Variants in PXK observed in about 807,000 individuals in gnomAD.
The protein encoded by PXK is PX domain containing serine/threonine kinase like.
PXK carries 35 observed loss-of-function variants against 84.7 expected under a neutral mutation model. That is an observed-to-expected ratio of 0.41 (90% confidence interval 0.32 to 0.55). The LOEUF is 0.55. PXK is among the 20% of genes least tolerant of loss of function. The probability of loss-of-function intolerance (pLI) is 0.21; values close to 1 mark genes in which losing one functional copy is unlikely to be tolerated. For missense variants in PXK, 634 were observed against 699.7 expected (o/e 0.91, Z 1.06); for synonymous variants, 253 against 260.8 (o/e 0.97, Z 0.29).
Position 58,390,439 on chromosome 3 carries a change from T to C in PXK, c.389-143T>C. ...GCATTTAGTTTGTGTGTATTTTCTT[T>C]CTTTATTATTATTTTTTTTTTGGTA... On this transcript the variant is annotated intron_variant, in intron 4 of 17. Transcript: ENST00000356151. The surrounding 1 kb of genome is among the most constrained non-coding windows in gnomAD (Gnocchi z 4.2). 2.1e-6 allele frequency: 1 copy of C among 476,306 alleles called. No homozygotes were observed. The highest frequency in any genetic ancestry group is 7.0e-5 in the South Asian group (1 of 14,242). 29.5% of individuals were successfully genotyped at this position (476,306 alleles called of 1,614,324 possible).
At chr3:58,403,489 G>C (rs1022479032) in intron 12 of PXK, among the ~76,000 whole-genome samples, 4 of 152,082 alleles carry the variant, frequency 2.6e-5, no homozygotes, top group Admixed American at 6.5e-5. Flanking sequence ...CTCTTCTGAG[G>C]CAAGAAAAAT....
rs1576672947 is a variant in PXK at position 58,407,699 on chromosome 3, G to A, written c.1231-1225G>A. On this transcript the variant is annotated intron_variant, in intron 13 of 17. Transcript: ENST00000356151. The surrounding 1 kb of genome is among the most constrained non-coding windows in gnomAD (Gnocchi z 4.3). Reference sequence around the variant, plus strand: ...GCCTCAGCCTCCCAAGTAGATTACAGGCGTGCACCACCACACCTGGCTAAT... The same window carrying A: ...GCCTCAGCCTCCCAAGTAGATTACAAGCGTGCACCACCACACCTGGCTAAT... Among the ~76,000 whole-genome samples the A allele has an allele frequency of 6.6e-6, 1 of 151,954 alleles. No homozygotes were observed. Among genetic ancestry groups the A allele is most frequent in the Admixed American group, 6.6e-5 (1 of 15,250 alleles).
In PXK at chr3:58,364,396, T is replaced by G. The variant is rs372169375; in HGVS notation, c.103-1478T>G. On this transcript the variant is annotated intron_variant, in intron 1 of 17. Transcript: ENST00000356151. This position sits in a 1 kb window ranked among gnomAD's most constrained non-coding sequence, Gnocchi z 4.3. ...TTTGGCGGGGGGAGGGGAGCGGAGT[T>G]TTTTAGTTATGAATTTAATTATAAA... Among the ~76,000 whole-genome samples, 6 of 152,008 alleles carry G rather than the reference T, an allele frequency of 3.9e-5. No individual in the cohort carries two copies. Among genetic ancestry groups the G allele is most frequent in the African/African-American group, 1.4e-4 (6 of 41,454 alleles).
rs1479613086 is a variant in PXK, at chr3:58,401,023, T to C, written c.1181+1646T>C. On this transcript the variant is annotated intron_variant, in intron 12 of 17. Coordinates refer to ENST00000356151, the MANE Select transcript of PXK (RefSeq NM_017771.5). This position sits in a 1 kb window ranked among gnomAD's most constrained non-coding sequence, Gnocchi z 4.4. ...ACTTGTACTTAGGAAATAGCCTATA[T>C]ACAGGTTGATTTACTTGAGTTTGCA... is the stretch of plus-strand genomic sequence containing the variant. 6.6e-6 allele frequency among the ~76,000 whole-genome samples: 1 copy of C among 152,238 alleles called. No homozygotes were observed. Among genetic ancestry groups the C allele is most frequent in the African/African-American group, 2.4e-5 (1 of 41,474 alleles).
intron 17 of PXK, among the ~76,000 whole-genome samples, chr3:58,418,144 AG>A (rs1168529309): frequency 6.6e-6 from 1 of 152,244 alleles, no homozygotes; most frequent in Non-Finnish European, 1.5e-5. Context: ...TGGGTTTGTA[AG>A]AGTATTTTGG....
At chr3:58,348,307 C>T (rs935701003) in intron 1 of PXK, among the ~76,000 whole-genome samples, 10 of 152,174 alleles carry the variant, frequency 6.6e-5, no homozygotes, top group African/African-American at 2.4e-4. Context: ...TTGATGGCTC[C>T]ACTAAGCATT....
intron 17 of PXK, 51 bp downstream of exon 17, chr3:58,413,014 G>T: frequency 6.3e-7 from 1 of 1,592,828 alleles, no homozygotes; most frequent in Non-Finnish European, 8.6e-7. Context: ...CCAACAGGAG[G>T]AGCGGGCTGT....
At position 58,397,085 on chromosome 3, in the gene PXK, A is replaced by G; in HGVS notation, c.869A>G (p.His290Arg). 1 of 1,614,186 alleles carries G rather than the reference A, an allele frequency of 6.2e-7. No individual in the cohort carries two copies. The highest frequency in any genetic ancestry group is 8.5e-7 in the Non-Finnish European group (1 of 1,180,004). ...AAGGGATTCCCTTATGGGCATCTTCACGCCTCCAATGTGATGCTCGATGGG... is the reference window on the plus strand; with the variant it reads ...AAGGGATTCCCTTATGGGCATCTTCGCGCCTCCAATGTGATGCTCGATGGG... Reference protein sequence around the residue: ...HDKGFPYGHLHASNVMLDGDT... With the variant: ...HDKGFPYGHLRASNVMLDGDT... The change falls in exon 10 of 18, where the codon CAC (histidine) becomes CGC (arginine). Residue 290 changes from histidine to arginine, a missense_variant. His to Arg is a conservative substitution (Grantham distance 29, BLOSUM62 0). Coordinates refer to ENST00000356151, the MANE Select transcript of PXK (RefSeq NM_017771.5). The surrounding 1 kb of genome is among the most constrained non-coding windows in gnomAD (Gnocchi z 4.7).
At chr3:58,391,333 G>A (rs529725594) in intron 6 of PXK, 113 bp downstream of exon 6, 3 of 889,590 alleles carry the variant, frequency 3.4e-6, no homozygotes, top group Admixed American at 4.9e-5. Flanking sequence ...TGATGTAAAG[G>A]CTTCCTTGGT....
chr3:58,349,554 C>T (rs1266231683), intron 1 of PXK, among the ~76,000 whole-genome samples: 2 of 151,946 alleles, frequency 1.3e-5, no homozygotes, highest in Non-Finnish European at 2.9e-5. Flanking sequence ...CGGGGTTTCA[C>T]CATGTTGGCC....
In PXK at chr3:58,421,808, A is replaced by T. The variant is rs185695398; in HGVS notation, c.1529-2944A>T. Reference sequence around the variant, plus strand: ...GGCTCTCAGGGATTTTGTCTAAGAGAAAGTGAGATGGGAGAAATCGGGACT... The same window carrying T: ...GGCTCTCAGGGATTTTGTCTAAGAGTAAGTGAGATGGGAGAAATCGGGACT... On this transcript the variant is annotated intron_variant, in intron 17 of 17. Coordinates refer to ENST00000356151, the MANE Select transcript of PXK (RefSeq NM_017771.5). The surrounding 1 kb of genome is among the most constrained non-coding windows in gnomAD (Gnocchi z 5.5). The T allele has an allele frequency of 7.1e-6, 7 of 985,342 alleles. No individual in the cohort carries two copies. The East Asian group carries it at 7.9e-4, about 112-fold the overall frequency. The allele number at this position is 985,342 out of a possible 1,614,324, so 61.0% of individuals were successfully genotyped here. A position where few individuals can be genotyped will look rare whatever the true frequency, so the allele number is the denominator to read the frequency against.
In PXK at chr3:58,412,664, G is replaced by A. The variant is rs2060374456; in HGVS notation, c.1466-237G>A. ...AAGTTTCAAACCAGGCAGGCCATGG[G>A]GAGCAGTGGGAGGCAAGGAGCTTTT... On this transcript the variant is annotated intron_variant, in intron 16 of 17. Transcript: ENST00000356151. The surrounding 1 kb of genome is among the most constrained non-coding windows in gnomAD (Gnocchi z 6.2). 6.6e-6 allele frequency among the ~76,000 whole-genome samples: 1 copy of A among 152,180 alleles called. No individual in the cohort carries two copies. The highest frequency in any genetic ancestry group is 1.5e-5 in the Non-Finnish European group (1 of 68,036).
intron 2 of PXK, among the ~76,000 whole-genome samples, chr3:58,366,729 TATTGA>T (rs2098277724): frequency 6.6e-6 from 1 of 152,234 alleles, no homozygotes; most frequent in African/African-American, 2.4e-5. Flanking sequence ...ATTTAACATC[TATTGA>T]GCATGTATTA....
At chr3:58,342,661 A>G (rs924573800) in intron 1 of PXK, among the ~76,000 whole-genome samples, 1 of 150,982 alleles carries the variant, frequency 6.6e-6, no homozygotes, top group African/African-American at 2.5e-5. Flanking sequence ...AGAAAAGAAA[A>G]AAAGAAAGAA....
intron 17 of PXK, chr3:58,423,574 TTGG>T: frequency 2.1e-6 from 3 of 1,455,664 alleles, no homozygotes; most frequent in Non-Finnish European, 1.8e-6. Flanking sequence ...GAGTATTGTG[TTGG>T]TGATTCTGAG....
rs117128283 is a variant in PXK, at chr3:58,384,910, G to A, written c.388+2210G>A. On this transcript the variant is annotated intron_variant, in intron 4 of 17. Transcript: ENST00000356151. Reference sequence around the variant, plus strand: ...AGGGATCTTAGAGCAGATGTATCATGTCTAACCCTCTCTTTTCATGAATGA... The same window carrying A: ...AGGGATCTTAGAGCAGATGTATCATATCTAACCCTCTCTTTTCATGAATGA... Among the ~76,000 whole-genome samples the A allele has an allele frequency of 1.7e-3, 255 of 152,306 alleles. 4 individuals are homozygous for A. The highest frequency in any genetic ancestry group is 0.015 in the East Asian group (78 of 5,184).
intron 6 of PXK, among the ~76,000 whole-genome samples, 171 bp from the exon 7 acceptor site, chr3:58,391,602 T>C (rs2098632188): frequency 6.6e-6 from 1 of 152,200 alleles, no homozygotes; most frequent in African/African-American, 2.4e-5. Context: ...CAGTTAAGTC[T>C]GGTATTTTTA....
At chr3:58,346,109 C>A (rs1187349242) in intron 1 of PXK, among the ~76,000 whole-genome samples, 1 of 152,164 alleles carries the variant, frequency 6.6e-6, no homozygotes, top group Non-Finnish European at 1.5e-5. Flanking sequence ...TTTGTTCATT[C>A]ATTCCAACTG....
chr3:58,395,620 C>G, intron 8 of PXK, 38 bp from the exon 9 acceptor site: 8 of 1,519,720 alleles, frequency 5.3e-6, no homozygotes, highest in Non-Finnish European at 7.3e-6. Context: ...ATTGGCCCCT[C>G]TGCTGCTTTC....
Sources: gnomAD v4.1 joint callset for allele counts (sites outside exome capture counted in the v4.1 genomes callset) on GRCh38, gnomAD v4.1.1 for gene constraint, Gnocchi (gnomAD v3.1) non-coding constraint, MANE v1.5 for transcripts, NCBI Gene and HGNC (gene_info 2026-07-23, HGNC 2026-07-21) for gene names.